The following MUC17 variants were observed in gnomAD, a reference collection of about 807,000 sequenced individuals.
MUC17 encodes the protein mucin-17.
MUC17 carries 190 observed loss-of-function variants against 170.3 expected under a neutral mutation model. The observed-to-expected ratio is 1.12, with a 90% CI of 0.99 to 1.26. The LOEUF (loss-of-function observed/expected upper bound fraction) is 1.26. MUC17 is among the 50% of genes most tolerant of loss of function. MUC17 has a pLI of 0.00. For missense variants in MUC17, 6,415 were observed against 5,530.0 expected (o/e 1.16, Z -5.08); for synonymous variants, 2,325 against 2,002.5 (o/e 1.16, Z -4.30).
At chr7:101,053,900 A>T (rs1474623617) in intron 11 of MUC17, among the ~76,000 whole-genome samples, 3 of 151,084 alleles carry the variant, frequency 2.0e-5, no homozygotes, top group Non-Finnish European at 4.4e-5. Flanking sequence ...AAAAAGAAAA[A>T]AAATTTTAAA....
In MUC17 at chr7:101,058,460, C is replaced by T. The variant is rs1288531336; in HGVS notation, c.*416C>T. The stretch of plus-strand genomic sequence containing the variant: ...CAGTTGAAGAGGACGAGAGGACGAC[C>T]TTCTCTGATAGAGGAGGACCACGCT... On this transcript the variant is annotated 3_prime_UTR_variant, in exon 13 of 13. Coordinates refer to ENST00000306151, the MANE Select transcript of MUC17 (RefSeq NM_001040105.2). 1 of 155,484 alleles carries T rather than the reference C, an allele frequency of 6.4e-6. No homozygotes were observed. The highest frequency in any genetic ancestry group is 2.4e-5 in the African/African-American group (1 of 41,576). 9.6% of individuals were successfully genotyped at this position (155,484 alleles called of 1,614,324 possible). A position where few individuals can be genotyped will look rare whatever the true frequency, so the allele number is the denominator to read the frequency against.
chr7:101,035,677 G>A lies in MUC17; in HGVS notation c.4261G>A (p.Val1421Ile), dbSNP rs749340803. ...GGCTAGCACCCTTTCAGCAACTCCT[G>A]TTGACACCAGCACCCCTGGGACCAC... Reference protein sequence around the residue: ...SEASTLSATPVDTSTPGTTSA... With the variant: ...SEASTLSATPIDTSTPGTTSA... Residue 1421 changes from valine to isoleucine, a missense_variant, in exon 3 of 13, where the codon GTT (valine) becomes ATT (isoleucine). Coordinates refer to ENST00000306151, the MANE Select transcript of MUC17 (RefSeq NM_001040105.2). 5.0e-6 allele frequency: 8 copies of A among 1,607,598 alleles called. No homozygotes were observed. In the African/African-American group the frequency reaches 5.4e-5, roughly 11 times the overall value.
At position 101,041,469 on chromosome 7, in the gene MUC17, A is replaced by G. The variant is rs745959995; in HGVS notation, c.10053A>G (p.Pro3351=). 53 of 1,609,462 alleles carry G rather than the reference A, an allele frequency of 3.3e-5. No homozygotes were observed. The highest frequency in any genetic ancestry group is 1.7e-4 in the Middle Eastern group (1 of 6,014). Residue 3351 remains proline (P), a synonymous_variant, in exon 3 of 13, where the codon CCA becomes CCG. Transcript: ENST00000306151. ...PLTNMSFSTT[P]VVSSEASTLS... ...CAAATATGTCTTTCAGCACCACGCC[A>G]GTGGTCAGTTCTGAGGCTAGCACCC...
Position 101,051,690 on chromosome 7 carries a change from T to G in MUC17, c.12943+9T>G. On this transcript the variant is annotated intron_variant, in intron 8 of 12. Transcript: ENST00000306151. ...CCAGTACGACCCTGAAGGTAGGTGA[T>G]AACACAAGGGGTTTGGGGGAAGGCT... The G allele has an allele frequency of 6.2e-7, 1 of 1,611,288 alleles. No homozygotes were observed. Among genetic ancestry groups the G allele is most frequent in the South Asian group, 1.1e-5 (1 of 90,778 alleles).
rs1331835717 is a variant in MUC17 at position 101,034,386 on chromosome 7, C to A, written c.2970C>A (p.Val990=). Reference sequence around the variant, plus strand: ...CGACTCCATTAACAAGCACACCTGTCAGCCACACGCTGGTGGCCAATTCTG... The same window carrying A: ...CGACTCCATTAACAAGCACACCTGTAAGCCACACGCTGGTGGCCAATTCTG... The part of the protein sequence containing the change: ...EGTTPLTSTP[V]SHTLVANSEA... The change falls in exon 3 of 13, where the codon GTC becomes GTA. Residue 990 remains valine (V), a synonymous_variant. Coordinates refer to ENST00000306151, the MANE Select transcript of MUC17 (RefSeq NM_001040105.2). 1 of 1,608,444 alleles carries A rather than the reference C, an allele frequency of 6.2e-7. No homozygotes were observed. Among genetic ancestry groups the A allele is most frequent in the African/African-American group, 1.3e-5 (1 of 74,620 alleles).
rs771090186 is a variant in MUC17 at position 101,042,309 on chromosome 7, T to A, written c.10893T>A (p.Ser3631Arg). The change falls in exon 3 of 13, where the codon AGT becomes AGA. Residue 3631 changes from serine (S) to arginine (R), a missense_variant. Physicochemically the swap from Ser to Arg is moderately radical, Grantham distance 110 (BLOSUM62 -1). Transcript: ENST00000306151. ...TCACCCTGCCAATGTCAACTCCTAG[T>A]GAAGTAAGCACTCCATTAACCATTA... Reference protein sequence around the residue: ...EVITLPMSTPSEVSTPLTIMP... With the variant: ...EVITLPMSTPREVSTPLTIMP... 6.2e-7 allele frequency: 1 copy of A among 1,614,004 alleles called. No homozygotes were observed. Among genetic ancestry groups the A allele is most frequent in the Non-Finnish European group, 8.5e-7 (1 of 1,179,982 alleles).
intron 1 of MUC17, among the ~76,000 whole-genome samples, chr7:101,025,420 T>C (rs1794163194): frequency 6.6e-6 from 1 of 151,120 alleles, no homozygotes; most frequent in Admixed American, 6.6e-5. Flanking sequence ...CCCAGCACTT[T>C]GGGAGGCCAA....
chr7:101,047,864 A>G (rs1794869337), intron 3 of MUC17, 120 bp from the exon 4 acceptor site: 1 of 1,216,716 alleles, frequency 8.2e-7, no homozygotes, highest in African/African-American at 1.6e-5. Flanking sequence ...TGTCCGTGCA[A>G]ACGCATTGTA....
chr7:101,028,092 C>CTTTTT (rs368730167), intron 1 of MUC17, among the ~76,000 whole-genome samples: 2 of 127,392 alleles, frequency 1.6e-5, no homozygotes, highest in African/African-American at 2.9e-5. Flanking sequence ...TTTTTTAATT[C>CTTTTT]TTTTTTTTTT....
chr7:101,044,320 C>A (rs1794797439), intron 3 of MUC17, among the ~76,000 whole-genome samples: 1 of 152,164 alleles, frequency 6.6e-6, no homozygotes, highest in Non-Finnish European at 1.5e-5. Flanking sequence ...AAAAATCAAA[C>A]AACCCCATCA....
At position 101,036,256 on chromosome 7, in the gene MUC17, A is replaced by T; in HGVS notation, c.4840A>T (p.Thr1614Ser). ...VTASTEASSSTTAEGSSMTIS... is the reference protein window; with the variant it reads ...VTASTEASSSSTAEGSSMTIS... ...CGCTTCTACTGAAGCCAGTTCATCT[A>T]CAACCGCTGAAGGTAGCAGCATGAC... The change falls in exon 3 of 13, where the codon ACA (threonine) becomes TCA (serine). Residue 1614 changes from threonine (T) to serine (S), a missense_variant. Thr to Ser is a moderately conservative substitution (Grantham distance 58). Transcript: ENST00000306151. 1 of 1,613,770 alleles carries T rather than the reference A, an allele frequency of 6.2e-7. No homozygotes were observed. The highest frequency in any genetic ancestry group is 8.5e-7 in the Non-Finnish European group (1 of 1,179,918).
chr7:101,032,453 T>A lies in MUC17; in HGVS notation c.1037T>A (p.Val346Asp). 1 of 1,613,882 alleles carries A rather than the reference T, an allele frequency of 6.2e-7. No homozygotes were observed. Among genetic ancestry groups the A allele is most frequent in the Non-Finnish European group, 8.5e-7 (1 of 1,179,870 alleles). The change falls in exon 3 of 13, where the codon GTT (valine) becomes GAT (aspartate). Residue 346 changes from valine to aspartate, a missense_variant. Transcript: ENST00000306151. ...LTSTPASTMP[V>D]ATSEMSTLSI... ...AGTACGCCTGCCAGCACCATGCCGG[T>A]TGCCACTTCTGAAATGAGCACACTT...
Position 101,033,777 on chromosome 7 carries a change from T to C in MUC17, c.2361T>C (p.Ser787=). The C allele has an allele frequency of 1.2e-6, 2 of 1,614,092 alleles. No homozygotes were observed. The highest frequency in any genetic ancestry group is 1.7e-6 in the Non-Finnish European group (2 of 1,179,984). Residue 787 remains serine (S), a synonymous_variant, in exon 3 of 13, where the codon TCT becomes TCC. Coordinates refer to ENST00000306151, the MANE Select transcript of MUC17 (RefSeq NM_001040105.2). ...HITTSTEASC[S]PTTTEGTSMP... ...CCACTTCTACTGAAGCCAGTTGCTC[T>C]CCTACAACCACTGAAGGTACCAGCA...
rs752916249 is a variant in MUC17 at position 101,039,511 on chromosome 7, G to A, written c.8095G>A (p.Val2699Ile). 6.2e-7 allele frequency: 1 copy of A among 1,610,568 alleles called. No individual in the cohort carries two copies. Among genetic ancestry groups the A allele is most frequent in the Non-Finnish European group, 8.5e-7 (1 of 1,178,490 alleles). The change falls in exon 3 of 13, where the codon GTC becomes ATC. Residue 2699 changes from valine (V) to isoleucine (I), a missense_variant. Val to Ile is a conservative substitution (Grantham distance 29). Transcript: ENST00000306151. ...AAGCACTCCATTAACAAATATACTT[G>A]TCAGCACCACGCTGTTGGCCAATTC... is the stretch of plus-strand genomic sequence containing the variant. ...ERSTPLTNIL[V>I]STTLLANSEA...
intron 10 of MUC17, 70 bp from the exon 11 acceptor site, chr7:101,053,269 A>G (rs1794986786): frequency 3.2e-6 from 5 of 1,583,510 alleles, no homozygotes; most frequent in Non-Finnish European, 4.3e-6. Flanking sequence ...AAATGGGGAT[A>G]CAGCTTGTCC....
chr7:101,052,105 G>T, intron 9 of MUC17, 143 bp downstream of exon 9: 1 of 1,019,200 alleles, frequency 9.8e-7, no homozygotes, highest in South Asian at 1.6e-5. Flanking sequence ...AGCTGCAGAG[G>T]AATTGGGTTG....
In MUC17 at chr7:101,039,229, G is replaced by T. The variant is rs374887577; in HGVS notation, c.7813G>T (p.Val2605Phe). ...AACTCCTGTTGACACCAGCATACCT[G>T]TCACCACTTCTACTGAAACCAGTTC... The part of the protein sequence containing the change: ...STTPVDTSIP[V>F]TTSTETSSSP... Residue 2605 changes from valine to phenylalanine, a missense_variant, in exon 3 of 13, where the codon GTC becomes TTC. Val to Phe is a conservative substitution (Grantham distance 50). Transcript: ENST00000306151. 47 of 1,613,402 alleles carry T rather than the reference G, an allele frequency of 2.9e-5. No homozygotes were observed. Among genetic ancestry groups the T allele is most frequent in the Non-Finnish European group, 3.9e-5 (46 of 1,179,764 alleles).
rs542302971 is a variant in MUC17, at chr7:101,033,531, T to G, written c.2115T>G (p.Ala705=). 1 of 1,613,960 alleles carries G rather than the reference T, an allele frequency of 6.2e-7. No individual in the cohort carries two copies. The highest frequency in any genetic ancestry group is 1.3e-5 in the African/African-American group (1 of 74,986). Residue 705 remains alanine (A), a synonymous_variant, in exon 3 of 13, where the codon GCT becomes GCG. Coordinates refer to ENST00000306151, the MANE Select transcript of MUC17 (RefSeq NM_001040105.2). ...VNTTLVASSE[A]STLSTTPVDT... ...CCACACTGGTGGCCAGTTCTGAGGC[T>G]AGCACCCTTTCAACAACTCCTGTTG...
intron 5 of MUC17, 66 bp downstream of exon 5, chr7:101,049,038 GA>G (rs1159279098): frequency 1.9e-6 from 3 of 1,607,642 alleles, no homozygotes; most frequent in Non-Finnish European, 2.6e-6. Flanking sequence ...TGTAGGGTAA[GA>G]AGGTAGCTGG....
Sources: allele counts gnomAD v4.1 joint callset (sites outside exome capture counted in the v4.1 genomes callset), GRCh38; gene constraint gnomAD v4.1.1; transcripts MANE v1.5; gene names NCBI Gene and HGNC (gene_info 2026-07-23, HGNC 2026-07-21).